The following HIBCH variants were observed in gnomAD, a reference collection of about 807,000 sequenced individuals.
The protein encoded by HIBCH is 3-hydroxyisobutyryl-CoA hydrolase, mitochondrial.
A neutral mutation model predicts 58.2 loss-of-function variants in HIBCH; 50 were observed. The observed-to-expected ratio is 0.86, with a 90% CI of 0.68 to 1.09. The LOEUF is 1.09. Ranked by LOEUF, HIBCH falls within the 50% of genes least tolerant of loss-of-function variation. The pLI is 0.00. For synonymous variants in HIBCH, 151 were observed against 146.9 expected, an observed-to-expected ratio of 1.03 and a Z score of -0.20; for missense variants, 450 against 449.7, an observed-to-expected ratio of 1.00 and a Z score of -0.01.
At chr2:190,221,120 GA>G (rs1428112348) in intron 11 of HIBCH, among the ~76,000 whole-genome samples, 2 of 152,152 alleles carry the variant, frequency 1.3e-5, no homozygotes, top group African/African-American at 4.8e-5. Flanking sequence ...CAAATAGGAA[GA>G]AAACTTTATT....
chr2:190,222,567 T>C (rs1685752775), intron 11 of HIBCH, among the ~76,000 whole-genome samples: 1 of 151,990 alleles, frequency 6.6e-6, no homozygotes, highest in Non-Finnish European at 1.5e-5. Context: ...AAAACCATAA[T>C]GAGATACCAT....
rs777660888 is a variant in HIBCH at position 190,208,867 on chromosome 2, A to G, written c.1045+13T>C. 6.2e-7 allele frequency: 1 copy of G among 1,612,050 alleles called. No individual in the cohort carries two copies. The highest frequency in any genetic ancestry group is 8.5e-7 in the Non-Finnish European group (1 of 1,178,262). ...CATTTCCCCAAAATGGTAAGTTCCC[A>G]TTTGCCACTTACCAGCTCTAACGCC... On this transcript the variant is annotated intron_variant, in intron 13 of 13. Coordinates refer to ENST00000359678, the MANE Select transcript of HIBCH (RefSeq NM_014362.4).
Position 190,267,055 on chromosome 2 carries a change from C to A in HIBCH, c.439-5821G>T, listed in dbSNP as rs1361557954. Among the ~76,000 whole-genome samples the A allele has an allele frequency of 2.0e-5, 3 of 152,042 alleles. 1 individual carries two copies. The highest frequency in any genetic ancestry group is 7.2e-5 in the African/African-American group (3 of 41,390). ...TACAGGCAGGAGCCACTGTACCTGG[C>A]CAAGATTAGTCATTTTTATTTTTAT... On this transcript the variant is annotated intron_variant, in intron 6 of 13. Transcript: ENST00000359678.
rs751484433 is a variant in HIBCH at position 190,212,993 on chromosome 2, A to G, written c.974T>C (p.Val325Ala). Residue 325 changes from valine to alanine, a missense_variant, in exon 12 of 14, where the codon GTA (valine) becomes GCA (alanine). Coordinates refer to ENST00000359678, the MANE Select transcript of HIBCH (RefSeq NM_014362.4). Reference sequence around the variant, plus strand: ...ACTTAGCCGATACTCCATAGTTAGTACTTCTTGCAAGGTCTTTGAAGACCC... The same window carrying G: ...ACTTAGCCGATACTCCATAGTTAGTGCTTCTTGCAAGGTCTTTGAAGACCC... ...MEGSSKTLQE[V>A]LTMEYRLSQA... 7 of 1,611,918 alleles carry G rather than the reference A, an allele frequency of 4.3e-6. No individual in the cohort carries two copies. The highest frequency in any genetic ancestry group is 5.1e-6 in the Non-Finnish European group (6 of 1,178,518).
At position 190,315,252 on chromosome 2, in the gene HIBCH, G is replaced by C. The variant is rs1449277700; in HGVS notation, c.36-4456C>G. On this transcript the variant is annotated intron_variant, in intron 1 of 13. Transcript: ENST00000359678. This position sits in a 1 kb window ranked among gnomAD's most constrained non-coding sequence, Gnocchi z 5.4. ...AGGCATGAGCCACTGTGCCCGGCCTGCTACTTCTAATTTCTTAATTAACTT... is the reference window on the plus strand; with the variant it reads ...AGGCATGAGCCACTGTGCCCGGCCTCCTACTTCTAATTTCTTAATTAACTT... 6.6e-6 allele frequency among the ~76,000 whole-genome samples: 1 copy of C among 152,076 alleles called. No individual in the cohort carries two copies. The highest frequency in any genetic ancestry group is 1.5e-5 in the Non-Finnish European group (1 of 67,990).
chr2:190,230,903 A>C (rs1018996317), intron 11 of HIBCH, among the ~76,000 whole-genome samples: 1 of 152,206 alleles, frequency 6.6e-6, no homozygotes, highest in Non-Finnish European at 1.5e-5. Flanking sequence ...AAAATTATAG[A>C]CCAATCTCTC....
At chr2:190,296,158 C>T (rs539578730) in intron 3 of HIBCH, among the ~76,000 whole-genome samples, 26 of 152,274 alleles carry the variant, frequency 1.7e-4, no homozygotes, top group East Asian at 5.8e-4. Context: ...CGGTGGCTCA[C>T]GCCTGTAATC....
At chr2:190,298,871 G>A (rs571849947) in intron 2 of HIBCH, among the ~76,000 whole-genome samples, 1 of 152,096 alleles carries the variant, frequency 6.6e-6, no homozygotes, top group African/African-American at 2.4e-5. Flanking sequence ...GGTTTTTACT[G>A]TTTTGGGTTT....
At chr2:190,301,958 A>G (rs1203904036) in intron 2 of HIBCH, among the ~76,000 whole-genome samples, 1 of 152,226 alleles carries the variant, frequency 6.6e-6, no homozygotes, top group East Asian at 1.9e-4. Context: ...ATTTGGTATT[A>G]GGCTCCAACA....
At chr2:190,235,105 CA>C (rs1275054163) in intron 11 of HIBCH, among the ~76,000 whole-genome samples, 13 of 152,246 alleles carry the variant, frequency 8.5e-5, no homozygotes, top group Admixed American at 5.2e-4. Context: ...AGGAAGGGGC[CA>C]GGGGAAGAAG....
At chr2:190,191,704 C>T (rs1689718117) in intron 1 of HIBCH, among the ~76,000 whole-genome samples, 1 of 152,174 alleles carries the variant, frequency 6.6e-6, no homozygotes, top group Admixed American at 6.5e-5. Flanking sequence ...ATTTGCATTT[C>T]CCTAATGGCT....
chr2:190,249,618 G>T, intron 9 of HIBCH, 22 bp downstream of exon 9: 1 of 1,396,912 alleles, frequency 7.2e-7, no homozygotes, highest in Non-Finnish European at 1.0e-6. Flanking sequence ...AAAACCTGAG[G>T]TTAGAATATT....
intron 7 of HIBCH, among the ~76,000 whole-genome samples, chr2:190,259,239 C>T (rs961680779): frequency 6.6e-5 from 10 of 151,448 alleles, no homozygotes; most frequent in African/African-American, 1.9e-4. Context: ...TCTTCCAATC[C>T]ATGAACATGT....
At position 190,211,911 on chromosome 2, in the gene HIBCH, A is replaced by G. The variant is rs1343612688; in HGVS notation, c.1011+1045T>C. 6.6e-6 allele frequency among the ~76,000 whole-genome samples: 1 copy of G among 152,192 alleles called. No individual in the cohort carries two copies. Among genetic ancestry groups the G allele is most frequent in the African/African-American group, 2.4e-5 (1 of 41,440 alleles). On this transcript the variant is annotated intron_variant, in intron 12 of 13. Transcript: ENST00000359678. This position sits in a 1 kb window ranked among gnomAD's most constrained non-coding sequence, Gnocchi z 5.0. ...ATCAATCAATCTAGGCAGTGCACTA[A>G]AAGTGTAATGAAAAACATGGAATGT...
chr2:190,267,107 C>G (rs1427502710), intron 6 of HIBCH, among the ~76,000 whole-genome samples: 1 of 151,630 alleles, frequency 6.6e-6, no homozygotes, highest in Non-Finnish European at 1.5e-5. Flanking sequence ...TTTAGAAGAC[C>G]AATTCTGTCC....
At chr2:190,265,527 G>A in intron 6 of HIBCH, among the ~76,000 whole-genome samples, 1 of 150,640 alleles carries the variant, frequency 6.6e-6, no homozygotes. Context: ...TCCCTTATCA[G>A]CTGTATACCA....
At chr2:190,233,415 C>A (rs1225973063) in intron 11 of HIBCH, among the ~76,000 whole-genome samples, 1 of 152,144 alleles carries the variant, frequency 6.6e-6, no homozygotes, top group Non-Finnish European at 1.5e-5. Context: ...CCATGCCGTT[C>A]TCATGATAGT....
At chr2:190,257,649 G>A (rs111788080) in intron 7 of HIBCH, among the ~76,000 whole-genome samples, 9 of 152,194 alleles carry the variant, frequency 5.9e-5, no homozygotes, top group South Asian at 2.1e-4. Context: ...ACCACAGACC[G>A]GGGTAATTTA....
chr2:190,267,248 A>C (rs144667002), intron 6 of HIBCH, among the ~76,000 whole-genome samples: 43 of 152,164 alleles, frequency 2.8e-4, no homozygotes, highest in African/African-American at 9.9e-4. Flanking sequence ...TCTGTCACCT[A>C]GGCTGGAGCA....
Sources: allele counts gnomAD v4.1 joint callset (sites outside exome capture counted in the v4.1 genomes callset), GRCh38; gene constraint gnomAD v4.1.1; non-coding constraint Gnocchi (gnomAD v3.1); transcripts MANE v1.5; gene names NCBI Gene and HGNC (gene_info 2026-07-23, HGNC 2026-07-21).